Variants in SLC44A3 observed in about 807,000 individuals in gnomAD.
The protein encoded by SLC44A3 is choline transporter-like protein 3.
Under a neutral mutation model 75.4 loss-of-function variants are expected in SLC44A3, and 74 were observed. That is an observed-to-expected ratio of 0.98 (90% CI 0.81 to 1.19). SLC44A3 has a LOEUF of 1.19. SLC44A3 is among the 50% of genes most tolerant of loss of function. The pLI is 0.00. For synonymous variants in SLC44A3, 310 were observed against 296.9 expected (o/e 1.04, Z -0.45); for missense variants, 700 against 778.6 (o/e 0.90, Z 1.20).
Position 94,857,498 on chromosome 1 carries a change from C to G in SLC44A3, c.1236C>G (p.Asn412Lys). The G allele has an allele frequency of 6.2e-7, 1 of 1,608,054 alleles. No individual in the cohort carries two copies. Among genetic ancestry groups the G allele is most frequent in the Non-Finnish European group, 8.5e-7 (1 of 1,178,108 alleles). The change falls in exon 10 of 15, where the codon AAC becomes AAG. Residue 412 changes from asparagine to lysine, a missense_variant and splice_region_variant. Transcript: ENST00000271227. ...IAGAVVTCYF[N>K]RSKNDPPDHP... is the part of the protein sequence containing the mutation. ...GGGCAGTGGTTACTTGTTATTTCAA[C>G]AGGTAGGTCCAGTGTTTTTTTTCTA...
At chr1:94,830,903 C>G (rs1219671627) in intron 5 of SLC44A3, among the ~76,000 whole-genome samples, 1 of 152,100 alleles carries the variant, frequency 6.6e-6, no homozygotes, top group Non-Finnish European at 1.5e-5. Flanking sequence ...TTTTCTAAAC[C>G]CTTAACATAA....
chr1:94,870,211 C>T (rs551904974), intron 12 of SLC44A3, among the ~76,000 whole-genome samples: 9 of 152,346 alleles, frequency 5.9e-5, no homozygotes, highest in African/African-American at 2.2e-4. Flanking sequence ...TCACCTCACA[C>T]ATGCGTTCAT....
chr1:94,828,449 C>G (rs749217419), intron 4 of SLC44A3, 44 bp from the exon 5 acceptor site: 1 of 1,530,438 alleles, frequency 6.5e-7, no homozygotes, highest in Non-Finnish European at 9.0e-7. Flanking sequence ...TCCTTACTGA[C>G]TCACCTGGAA....
At chr1:94,894,023 A>AG (rs1213043412) in intron 14 of SLC44A3, among the ~76,000 whole-genome samples, 1 of 152,030 alleles carries the variant, frequency 6.6e-6, no homozygotes, top group Non-Finnish European at 1.5e-5. Flanking sequence ...TGAACCCGGG[A>AG]GGTGGAGGTT....
chr1:94,893,562 G>C (rs886829848), intron 14 of SLC44A3, among the ~76,000 whole-genome samples: 26 of 152,114 alleles, frequency 1.7e-4, no homozygotes, highest in African/African-American at 6.3e-4. Flanking sequence ...TTTTAGAAGA[G>C]ACGGGGTTTC....
intron 14 of SLC44A3, 65 bp from the exon 15 acceptor site, chr1:94,894,753 C>G (rs12030683): frequency 3.7e-6 from 5 of 1,355,060 alleles, no homozygotes; most frequent in African/African-American, 1.5e-5. Flanking sequence ...AGTTTTCCCT[C>G]GGCCCCTACG....
In SLC44A3 at chr1:94,864,735, A is replaced by G. The variant is rs747375344; in HGVS notation, c.1239-8A>G. ...TTTTTAAAATGCTATCCTTTTCCCT[A>G]TTTCCAGAAGTAAAAATGATCCTCC... On this transcript the variant is annotated splice_region_variant and splice_polypyrimidine_tract_variant and intron_variant, in intron 10 of 14. Coordinates refer to ENST00000271227, the MANE Select transcript of SLC44A3 (RefSeq NM_001114106.3). 3.7e-6 allele frequency: 6 copies of G among 1,611,162 alleles called. No individual in the cohort carries two copies. The highest frequency in any genetic ancestry group is 1.7e-5 in the Admixed American group (1 of 59,432).
At chr1:94,887,735 G>T (rs779021063) in intron 12 of SLC44A3, among the ~76,000 whole-genome samples, 2 of 152,144 alleles carry the variant, frequency 1.3e-5, no homozygotes, top group African/African-American at 4.8e-5. Flanking sequence ...GAAGTGATGG[G>T]GTGGTGGGCT....
rs1660387834 is a variant in SLC44A3 at position 94,820,456 on chromosome 1, A to G, written c.5A>G (p.His2Arg). M[H>R]CLGAEYLVSA... ...GCCCCCGCCGGCGAGCGCACGATGC[A>G]CTGCCTGGGCGCCGAGTACCTGGTA... Residue 2 changes from histidine (H) to arginine (R), a missense_variant, in exon 1 of 15, where the codon CAC becomes CGC. Physicochemically the swap from His to Arg is conservative, Grantham distance 29. Coordinates refer to ENST00000271227, the MANE Select transcript of SLC44A3 (RefSeq NM_001114106.3). The G allele has an allele frequency of 1.3e-6, 2 of 1,485,320 alleles. No homozygotes were observed. The highest frequency in any genetic ancestry group is 1.8e-6 in the Non-Finnish European group (2 of 1,121,720). 92.0% of individuals were successfully genotyped at this position (1,485,320 alleles called of 1,614,324 possible). A position where few individuals can be genotyped will look rare whatever the true frequency, so the allele number is the denominator to read the frequency against.
chr1:94,825,775 G>A (rs1372345464), intron 3 of SLC44A3: 2 of 454,436 alleles, frequency 4.4e-6, no homozygotes, highest in Admixed American at 4.7e-5. Context: ...CTCCTAAGGG[G>A]GCTCTTGCTC....
intron 14 of SLC44A3, 72 bp from the exon 15 acceptor site, chr1:94,894,744 GTT>G (rs201953661): frequency 7.1e-6 from 9 of 1,271,226 alleles, no homozygotes; most frequent in Non-Finnish European, 1.0e-5. Context: ...CAAAGGAGAA[GTT>G]TTCCCTCGGC....
intron 5 of SLC44A3, among the ~76,000 whole-genome samples, chr1:94,834,126 A>G (rs945369046): frequency 1.3e-5 from 2 of 152,224 alleles, no homozygotes; most frequent in African/African-American, 4.8e-5. Flanking sequence ...TACATACTAG[A>G]ATCGATTATA....
chr1:94,882,922 A>G (rs947698183), intron 12 of SLC44A3, among the ~76,000 whole-genome samples: 1 of 147,646 alleles, frequency 6.8e-6, no homozygotes, highest in East Asian at 2.0e-4. Flanking sequence ...TTTTAATCCA[A>G]CCATTCTGCT....
chr1:94,825,168 CCACCTCCCA>C (rs1661137714), intron 3 of SLC44A3, among the ~76,000 whole-genome samples: 1 of 152,166 alleles, frequency 6.6e-6, no homozygotes, highest in South Asian at 2.1e-4. Context: ...CTCCCTTACC[CCACCTCCCA>C]CAGGGAAACA....
rs1162861214 is a variant in SLC44A3, at chr1:94,867,347, C to T, written c.1412C>T (p.Ser471Phe). ...ALKEQQHGAL[S>F]RYLFRCCYCC... ...CTGATCCAGCAGCATGGTGCATTGT[C>T]CAGGTACCTGTTCCGATGCTGCTAC... is the stretch of plus-strand genomic sequence containing the variant. Residue 471 changes from serine (S) to phenylalanine (F), a missense_variant, in exon 12 of 15, where the codon TCC (serine) becomes TTC (phenylalanine). By Grantham distance (155) the Ser-to-Phe change is radical (BLOSUM62 -2). Transcript: ENST00000271227. The T allele has an allele frequency of 6.3e-7, 1 of 1,598,810 alleles. No individual in the cohort carries two copies. Among genetic ancestry groups the T allele is most frequent in the African/African-American group, 1.3e-5 (1 of 74,452 alleles).
chr1:94,821,032 G>A lies in SLC44A3; in HGVS notation c.111G>A (p.Leu37=), dbSNP rs1208504523. The part of the protein sequence containing the change: ...RKCTDTAWLF[L]FFLFWTGLVF... The stretch of plus-strand genomic sequence containing the variant: ...GCACAGATACGGCATGGTTATTCCT[G>A]TTCTTTCTCTTTTGGACTGGTTTGG... Residue 37 remains leucine, a synonymous_variant, in exon 2 of 15, where the codon CTG becomes CTA. Coordinates refer to ENST00000271227, the MANE Select transcript of SLC44A3 (RefSeq NM_001114106.3). The A allele has an allele frequency of 1.3e-6, 2 of 1,551,410 alleles. No homozygotes were observed. Among genetic ancestry groups the A allele is most frequent in the South Asian group, 2.4e-5 (2 of 84,040 alleles).
intron 12 of SLC44A3, among the ~76,000 whole-genome samples, chr1:94,885,261 T>C (rs1669453718): frequency 7.5e-6 from 1 of 133,690 alleles, no homozygotes; most frequent in Non-Finnish European, 1.6e-5. Flanking sequence ...CAGGGAATAA[T>C]ACCACCCATG....
intron 12 of SLC44A3, among the ~76,000 whole-genome samples, chr1:94,879,604 C>T (rs859085): frequency 0.79 from 117,092 of 148,512 alleles, 46,279 homozygotes; most frequent in South Asian, 0.87. Context: ...CTTTGGGAGG[C>T]GGAGGTGGGC....
At chr1:94,828,118 T>C (rs1661623067) in intron 4 of SLC44A3, among the ~76,000 whole-genome samples, 1 of 152,238 alleles carries the variant, frequency 6.6e-6, no homozygotes. Context: ...AGCACTTGTA[T>C]AACTAAAATA....
Sources: allele counts gnomAD v4.1 joint callset (sites outside exome capture counted in the v4.1 genomes callset), GRCh38; gene constraint gnomAD v4.1.1; transcripts MANE v1.5; gene names NCBI Gene and HGNC (gene_info 2026-07-23, HGNC 2026-07-21).